COBL: variants seen among roughly 807,000 people sequenced by gnomAD.
COBL encodes the protein cordon-bleu WH2 repeat protein, also known as protein cordon-bleu.
COBL carries 51 observed loss-of-function variants against 98.8 expected under a neutral mutation model. The ratio of observed to expected loss-of-function variants is 0.52; its 90% CI spans 0.41 to 0.65. COBL has a LOEUF of 0.65. COBL is among the 30% of genes least tolerant of loss of function. The pLI is 0.00. For synonymous variants in COBL, 634 were observed against 651.7 expected (o/e 0.97, Z 0.41); for missense variants, 1,617 against 1,617.5 (o/e 1.00, Z 0.01).
At chr7:51,247,766 T>C (rs1338330599) in intron 1 of COBL, among the ~76,000 whole-genome samples, 1 of 152,168 alleles carries the variant, frequency 6.6e-6, no homozygotes, top group Non-Finnish European at 1.5e-5. Context: ...GGCAGACCAA[T>C]CAGCTGAGTT....
At chr7:51,168,053 T>G (rs1787495980) in intron 5 of COBL, among the ~76,000 whole-genome samples, 1 of 151,962 alleles carries the variant, frequency 6.6e-6, no homozygotes, top group Non-Finnish European at 1.5e-5. Flanking sequence ...AAAGCAAATA[T>G]GAACAAGTGG....
intron 5 of COBL, among the ~76,000 whole-genome samples, chr7:51,142,805 A>T (rs571630724): frequency 1.5e-4 from 23 of 152,332 alleles, no homozygotes; most frequent in African/African-American, 4.8e-4. Flanking sequence ...AATGCTTAAC[A>T]ATGACAATTT....
At chr7:51,279,821 T>C (rs1413765837) in intron 1 of COBL, among the ~76,000 whole-genome samples, 1 of 152,212 alleles carries the variant, frequency 6.6e-6, no homozygotes. Context: ...ACACTGATCT[T>C]ATCTTGCCTT....
At chr7:51,195,850 T>C (rs1203829637) in intron 2 of COBL, among the ~76,000 whole-genome samples, 1 of 152,212 alleles carries the variant, frequency 6.6e-6, no homozygotes, top group Non-Finnish European at 1.5e-5. Flanking sequence ...CGATTTTGTA[T>C]ACTGAGACTT....
rs112568753 is a variant in COBL, at chr7:51,029,133, C to T, written c.1963G>A (p.Ala655Thr). 2 of 1,614,198 alleles carry T rather than the reference C, an allele frequency of 1.2e-6. No homozygotes were observed. Among genetic ancestry groups the T allele is most frequent in the South Asian group, 2.2e-5 (2 of 91,082 alleles). The stretch of plus-strand genomic sequence containing the variant: ...GTGGCTTGAGTCCTCTCCCCGTCAG[C>T]ACAGCCATACACTTTGTCTTTCACT... ...AKVKDKVYGC[A>T]DGERTQATER... The change falls in exon 10 of 13, where the codon GCT (alanine) becomes ACT (threonine). Residue 655 changes from alanine (A) to threonine (T), a missense_variant. Transcript: ENST00000265136.
At chr7:51,245,565 T>C (rs1031697748) in intron 1 of COBL, among the ~76,000 whole-genome samples, 6 of 152,184 alleles carry the variant, frequency 3.9e-5, no homozygotes, top group African/African-American at 1.4e-4. Flanking sequence ...ATTACATCCA[T>C]AGAAGAAATG....
intron 5 of COBL, among the ~76,000 whole-genome samples, chr7:51,147,911 C>G (rs925360291): frequency 1.4e-4 from 22 of 152,148 alleles, no homozygotes; most frequent in African/African-American, 5.3e-4. Context: ...CCACCACACC[C>G]AGCTAAGTTT....
In COBL at chr7:51,090,356, G is replaced by C. The variant is rs975057855; in HGVS notation, c.958-5052C>G. 3.3e-5 allele frequency among the ~76,000 whole-genome samples: 5 copies of C among 152,154 alleles called. No individual in the cohort carries two copies. The South Asian group carries it at 1.0e-3, about 32-fold the overall frequency. ...TGCCAAGAATGGCCATGCTGAAATGGGTAAGAAAAGCCATTTCACCTCAAC... is the reference window on the plus strand; with the variant it reads ...TGCCAAGAATGGCCATGCTGAAATGCGTAAGAAAAGCCATTTCACCTCAAC... On this transcript the variant is annotated intron_variant, in intron 6 of 12. Transcript: ENST00000265136.
chr7:51,070,803 A>G (rs1792465338), intron 7 of COBL: 1 of 152,226 alleles, frequency 6.6e-6, no homozygotes, highest in Admixed American at 6.5e-5. Flanking sequence ...GTCAGTGAGT[A>G]AACAGTAACG....
chr7:51,141,661 A>G (rs2129012307), intron 5 of COBL, among the ~76,000 whole-genome samples: 1 of 150,710 alleles, frequency 6.6e-6, no homozygotes, highest in African/African-American at 2.4e-5. Flanking sequence ...AGGCTTTGTT[A>G]AAGAATCGAG....
chr7:51,314,284 A>C (rs1803326899), intron 1 of COBL, among the ~76,000 whole-genome samples: 8 of 152,188 alleles, frequency 5.3e-5, no homozygotes, highest in Admixed American at 3.9e-4. Context: ...TCACCACATC[A>C]GTTTGTTATC....
intron 7 of COBL, among the ~76,000 whole-genome samples, chr7:51,068,665 T>C (rs1052785533): frequency 3.3e-5 from 5 of 152,210 alleles, no homozygotes; most frequent in Non-Finnish European, 2.9e-5. Flanking sequence ...TCATGGTGTA[T>C]ACAAGAGTCG....
intron 5 of COBL, among the ~76,000 whole-genome samples, chr7:51,168,757 C>A (rs767136132): frequency 5.3e-5 from 8 of 152,170 alleles, no homozygotes; most frequent in Non-Finnish European, 1.2e-4. Flanking sequence ...CCAGCAATCC[C>A]ACTACTGGGT....
chr7:51,096,245 C>T (rs540889115), intron 6 of COBL, among the ~76,000 whole-genome samples: 58 of 152,160 alleles, frequency 3.8e-4, no homozygotes, highest in African/African-American at 1.3e-3. Context: ...TATGTGGAAA[C>T]TGAATAATAC....
chr7:51,144,085 T>A (rs913659641), intron 5 of COBL, among the ~76,000 whole-genome samples: 8 of 152,168 alleles, frequency 5.3e-5, no homozygotes, highest in African/African-American at 1.9e-4. Flanking sequence ...GCTGGGACTG[T>A]CCCAGGCTAG....
Position 51,027,726 on chromosome 7 carries a change from C to G in COBL, c.3370G>C (p.Asp1124His), listed in dbSNP as rs767362685. 6 of 1,613,088 alleles carry G rather than the reference C, an allele frequency of 3.7e-6. No individual in the cohort carries two copies. The highest frequency in any genetic ancestry group is 4.2e-6 in the Non-Finnish European group (5 of 1,179,412). ...GCCATCCTCACCTTGCGTAGTCTGT[C>G]CTTCCCTCCCGCAGAGTGGATGGCT... Reference protein sequence around the residue: ...MEAIHSAGGKDRLRKTAEHTG... With the variant: ...MEAIHSAGGKHRLRKTAEHTG... Residue 1124 changes from aspartate (D) to histidine (H), a missense_variant, in exon 10 of 13, where the codon GAC (aspartate) becomes CAC (histidine). By Grantham distance (81) the Asp-to-His change is moderately conservative. Transcript: ENST00000265136.
chr7:51,299,229 A>T (rs575283417), intron 1 of COBL, among the ~76,000 whole-genome samples: 116 of 152,286 alleles, frequency 7.6e-4, no homozygotes, highest in African/African-American at 2.7e-3. Context: ...ACACTAACGA[A>T]TGCGTGAGCC....
intron 6 of COBL, among the ~76,000 whole-genome samples, chr7:51,103,209 TGTAA>T (rs983445437): frequency 1.1e-4 from 17 of 152,324 alleles, no homozygotes; most frequent in African/African-American, 4.1e-4. Flanking sequence ...TTTATCAAAG[TGTAA>T]GTGTTCTGAA....
rs1308479865 is a variant in COBL, at chr7:51,085,308, T to C, written c.958-4A>G. 20 of 1,540,840 alleles carry C rather than the reference T, an allele frequency of 1.3e-5. No individual in the cohort carries two copies. The highest frequency in any genetic ancestry group is 2.3e-5 in the East Asian group (1 of 42,758). Reference sequence around the variant, plus strand: ...CAATCTGTGACCCAAGAGATACCTATGAAGTACAAAGAAGGAAAGTACAAT... The same window carrying C: ...CAATCTGTGACCCAAGAGATACCTACGAAGTACAAAGAAGGAAAGTACAAT... On this transcript the variant is annotated splice_region_variant and splice_polypyrimidine_tract_variant and intron_variant, in intron 6 of 12. Coordinates refer to ENST00000265136, the MANE Select transcript of COBL (RefSeq NM_015198.5).
Sources: allele counts gnomAD v4.1 joint callset (sites outside exome capture counted in the v4.1 genomes callset), GRCh38; gene constraint gnomAD v4.1.1; transcripts MANE v1.5; gene names NCBI Gene and HGNC (gene_info 2026-07-23, HGNC 2026-07-21).